The following JAKMIP2 variants were observed in gnomAD, a reference collection of about 807,000 sequenced individuals.
JAKMIP2 encodes the protein janus kinase and microtubule interacting protein 2.
Under a neutral mutation model 115.0 loss-of-function variants are expected in JAKMIP2, and 25 were observed. The ratio of observed to expected loss-of-function variants is 0.22; its 90% CI spans 0.16 to 0.30. The LOEUF (loss-of-function observed/expected upper bound fraction) is 0.30, where lower values mean the gene tolerates loss of function less well. Ranked by LOEUF, JAKMIP2 falls within the 10% of genes least tolerant of loss-of-function variation. JAKMIP2 has a pLI of 1.00. For missense variants in JAKMIP2, 642 were observed against 957.6 expected (o/e 0.67, Z 4.35); for synonymous variants, 334 against 343.6 (o/e 0.97, Z 0.31).
chr5:147,750,037 C>T (rs1374411450), intron 1 of JAKMIP2, among the ~76,000 whole-genome samples: 1 of 152,142 alleles, frequency 6.6e-6, no homozygotes, highest in Non-Finnish European at 1.5e-5. Flanking sequence ...ATGACTCATA[C>T]ATGGTTAGCA....
At chr5:147,676,398 C>T (rs1334560416) in intron 1 of JAKMIP2, among the ~76,000 whole-genome samples, 1 of 152,174 alleles carries the variant, frequency 6.6e-6, no homozygotes, top group Non-Finnish European at 1.5e-5. Flanking sequence ...TGGAATGTTT[C>T]CGGACACTCC....
At chr5:147,614,388 C>T (rs1756474305) in intron 19 of JAKMIP2, among the ~76,000 whole-genome samples, 1 of 152,194 alleles carries the variant, frequency 6.6e-6, no homozygotes, top group African/African-American at 2.4e-5. Flanking sequence ...TGTTATGCTA[C>T]ATCATATGAC....
chr5:147,651,740 G>A (rs1465662353), intron 3 of JAKMIP2, among the ~76,000 whole-genome samples: 1 of 152,112 alleles, frequency 6.6e-6, no homozygotes, highest in Admixed American at 6.6e-5. Context: ...AATTCTGAGA[G>A]AGCTTTGGGC....
chr5:147,595,981 C>A (rs1433990201), intron 21 of JAKMIP2, among the ~76,000 whole-genome samples: 9 of 152,090 alleles, frequency 5.9e-5, no homozygotes, highest in African/African-American at 2.2e-4. Context: ...GGAATCACAA[C>A]TGAACTGAGA....
At chr5:147,734,469 AG>A (rs1242345237) in intron 1 of JAKMIP2, among the ~76,000 whole-genome samples, 1 of 104,794 alleles carries the variant, frequency 9.5e-6, no homozygotes, top group Non-Finnish European at 1.8e-5. Context: ...ATATGGACAG[AG>A]GGGGGAACAT....
At chr5:147,634,483 G>A (rs900857241) in intron 12 of JAKMIP2, among the ~76,000 whole-genome samples, 1 of 152,158 alleles carries the variant, frequency 6.6e-6, no homozygotes, top group Non-Finnish European at 1.5e-5. Flanking sequence ...GTTTGTAGAA[G>A]TTAACTTAAC....
intron 17 of JAKMIP2, among the ~76,000 whole-genome samples, 196 bp downstream of exon 17, chr5:147,623,425 A>AT (rs1013466080): frequency 6.6e-6 from 1 of 151,954 alleles, no homozygotes. Flanking sequence ...AAAAACTAAC[A>AT]TTTTTTGGGG....
Position 147,661,009 on chromosome 5 carries a change from T to C in JAKMIP2, c.566A>G (p.Gln189Arg). The stretch of plus-strand genomic sequence containing the variant: ...CTTCGAGATGGCTTCTTGGTGGGAC[T>C]GATGCTCACTCCGAAGGTCCCCAGC... ...IKAGDLRSEH[Q>R]SHQEAISKIK... Residue 189 changes from glutamine (Q) to arginine (R), a missense_variant, in exon 3 of 22, where the codon CAG becomes CGG. Physicochemically the swap from Gln to Arg is conservative, Grantham distance 43. Around this residue, in one of 6 missense-constraint regions of JAKMIP2, gnomAD observed 439 missense variants for 570.9 expected, o/e 0.77. Coordinates refer to ENST00000616793, the MANE Select transcript of JAKMIP2 (RefSeq NM_001270941.2). 1.9e-6 allele frequency: 3 copies of C among 1,614,110 alleles called. No homozygotes were observed. The highest frequency in any genetic ancestry group is 2.5e-6 in the Non-Finnish European group (3 of 1,180,026).
intron 16 of JAKMIP2, among the ~76,000 whole-genome samples, chr5:147,624,767 A>G (rs371491556): frequency 6.6e-6 from 1 of 152,174 alleles, no homozygotes; most frequent in Non-Finnish European, 1.5e-5. Flanking sequence ...TGGGTTCTGA[A>G]GACAGACTAC....
chr5:147,779,418 T>G (rs1755678269), intron 1 of JAKMIP2, among the ~76,000 whole-genome samples: 2 of 152,058 alleles, frequency 1.3e-5, no homozygotes, highest in Admixed American at 1.3e-4. Context: ...TATAATTTGT[T>G]TTTTTAAAAA....
intron 1 of JAKMIP2, among the ~76,000 whole-genome samples, chr5:147,679,595 C>T (rs545606182): frequency 6.6e-6 from 1 of 152,290 alleles, no homozygotes; most frequent in South Asian, 2.1e-4. Flanking sequence ...AATGATATTA[C>T]CTACCTTAAT....
At chr5:147,748,141 A>G (rs946587932) in intron 1 of JAKMIP2, among the ~76,000 whole-genome samples, 1 of 152,228 alleles carries the variant, frequency 6.6e-6, no homozygotes, top group Non-Finnish European at 1.5e-5. Flanking sequence ...GCCAGGGTTC[A>G]AATCCTGGCT....
At chr5:147,621,789 T>C (rs1756859973) in intron 17 of JAKMIP2, among the ~76,000 whole-genome samples, 1 of 152,240 alleles carries the variant, frequency 6.6e-6, no homozygotes, top group Admixed American at 6.5e-5. Flanking sequence ...CAAGTTGTTT[T>C]TATAGGATTC....
chr5:147,704,348 T>G (rs1752487557), intron 1 of JAKMIP2, among the ~76,000 whole-genome samples: 1 of 152,184 alleles, frequency 6.6e-6, no homozygotes, highest in South Asian at 2.1e-4. Flanking sequence ...ACATTACGAC[T>G]GCTACAACGT....
chr5:147,704,572 A>G (rs1034108939), intron 1 of JAKMIP2, among the ~76,000 whole-genome samples: 2 of 152,140 alleles, frequency 1.3e-5, no homozygotes, highest in African/African-American at 4.8e-5. Flanking sequence ...GAGCAAGGTA[A>G]GAGGAAAGAC....
chr5:147,610,232 AAGG>A (rs2126620183), intron 20 of JAKMIP2, among the ~76,000 whole-genome samples: 1 of 152,216 alleles, frequency 6.6e-6, no homozygotes, highest in East Asian at 1.9e-4. Context: ...CCTTGTTTGC[AAGG>A]AGTTTTGATC....
intron 1 of JAKMIP2, among the ~76,000 whole-genome samples, chr5:147,772,641 T>G (rs1755405322): frequency 6.6e-6 from 1 of 152,036 alleles, no homozygotes; most frequent in South Asian, 2.1e-4. Context: ...AATATTGTGT[T>G]AGGAGCATAT....
rs562089237 is a variant in JAKMIP2, at chr5:147,685,967, T to C, written c.-148-14013A>G. The stretch of plus-strand genomic sequence containing the variant: ...GTGGGAAGCAAAACACAGAATTCAG[T>C]GAGGACAAGTGGAGCAAAGGGAAAA... On this transcript the variant is annotated intron_variant, in intron 1 of 21. Coordinates refer to ENST00000616793, the MANE Select transcript of JAKMIP2 (RefSeq NM_001270941.2). Among the ~76,000 whole-genome samples, 4 of 152,108 alleles carry C rather than the reference T, an allele frequency of 2.6e-5. No homozygotes were observed. In the East Asian group the frequency reaches 7.7e-4, roughly 29 times the overall value.
At chr5:147,751,349 C>T (rs1408333384) in intron 1 of JAKMIP2, among the ~76,000 whole-genome samples, 1 of 151,564 alleles carries the variant, frequency 6.6e-6, no homozygotes, top group Non-Finnish European at 1.5e-5. Context: ...CCGCCCTCCT[C>T]CGCCTCCCAA....
Sources: gnomAD v4.1 joint callset for allele counts (sites outside exome capture counted in the v4.1 genomes callset) on GRCh38, gnomAD v4.1.1 for gene constraint, gnomAD v4.1.1 regional missense constraint, MANE v1.5 for transcripts, NCBI Gene and HGNC (gene_info 2026-07-23, HGNC 2026-07-21) for gene names.